Variants in FYN observed in about 807,000 individuals in gnomAD.
FYN encodes the protein FYN proto-oncogene, Src family tyrosine kinase, also known as tyrosine-protein kinase Fyn.
A neutral mutation model predicts 70.2 loss-of-function variants in FYN; 10 were observed. The ratio of observed to expected loss-of-function variants is 0.14; its 90% CI spans 0.09 to 0.24. The LOEUF (loss-of-function observed/expected upper bound fraction) is 0.24. Among genes scored for constraint, FYN ranks in the 10% least tolerant of loss-of-function variants. The pLI is 1.00. For missense variants in FYN, 319 were observed against 673.1 expected, an observed-to-expected ratio of 0.47 and a Z score of 5.82; for synonymous variants, 236 against 248.6, an observed-to-expected ratio of 0.95 and a Z score of 0.48.
intron 2 of FYN, among the ~76,000 whole-genome samples, chr6:111,789,785 CCA>C (rs1336393061): frequency 1.3e-5 from 2 of 152,232 alleles, no homozygotes; most frequent in South Asian, 2.1e-4. Flanking sequence ...GATCTGCAAT[CCA>C]CAGTCTGAAC....
intron 2 of FYN, among the ~76,000 whole-genome samples, chr6:111,790,004 A>G (rs1006229404): frequency 1.3e-5 from 2 of 152,110 alleles, no homozygotes; most frequent in South Asian, 2.1e-4. Context: ...GTTGGCTACA[A>G]TATCAGAATC....
At chr6:111,699,913 CTTTTTTTTTTTTTTTTT>C (rs71021861) in intron 9 of FYN, 174 bp downstream of exon 9, 2 of 186,568 alleles carry the variant, frequency 1.1e-5, no homozygotes, top group Non-Finnish European at 2.0e-5. Context: ...CACTTACTAT[CTTTTTTTTTTTTTTTTT>C]TTTTTTTTAG....
chr6:111,769,757 G>C (rs1471233813), intron 3 of FYN, among the ~76,000 whole-genome samples: 1 of 152,112 alleles, frequency 6.6e-6, no homozygotes, highest in Non-Finnish European at 1.5e-5. Flanking sequence ...CCCTGGCTTT[G>C]AAAAATGCCA....
rs1774337445 is a variant in FYN at position 111,873,083 on chromosome 6, C to A, written c.-238G>T. 1 of 147,774 alleles carries A rather than the reference C, an allele frequency of 6.8e-6. No individual in the cohort carries two copies. Among genetic ancestry groups the A allele is most frequent in the Admixed American group, 6.7e-5 (1 of 14,952 alleles). The allele number at this position is 147,774 out of a possible 1,614,324, so 9.2% of individuals were successfully genotyped here. A position where few individuals can be genotyped will look rare whatever the true frequency, so the allele number is the denominator to read the frequency against. ...CGGGCCCGGGAGCCGGTGGGCCTTCCGAGAGCACCGAGGGGGCGGCGCCGG... is the reference window on the plus strand; with the variant it reads ...CGGGCCCGGGAGCCGGTGGGCCTTCAGAGAGCACCGAGGGGGCGGCGCCGG... On this transcript the variant is annotated 5_prime_UTR_variant, in exon 1 of 14. Coordinates refer to ENST00000354650, the MANE Select transcript of FYN (RefSeq NM_002037.5).
intron 5 of FYN, among the ~76,000 whole-genome samples, chr6:111,713,352 G>A (rs1395722558): frequency 2.0e-5 from 3 of 152,138 alleles, no homozygotes; most frequent in African/African-American, 7.2e-5. Context: ...GAAAGCTGAG[G>A]AGCCTGGCTC....
rs1021347045 is a variant in FYN at position 111,674,344 on chromosome 6, C to T, written c.1405+155G>A. On this transcript the variant is annotated intron_variant, in intron 13 of 13. Coordinates refer to ENST00000354650, the MANE Select transcript of FYN (RefSeq NM_002037.5). ...ACATACATGGTGGCTCCCAGTTCTG[C>T]TTTTCTCTCGCTGAATACCTGGCCA... 2.1e-4 allele frequency: 164 copies of T among 795,374 alleles called. 1 individual carries two copies. Among genetic ancestry groups the T allele is most frequent in the East Asian group, 1.8e-3 (66 of 37,478 alleles). The allele number at this position is 795,374 out of a possible 1,614,324, so 49.3% of individuals were successfully genotyped here. A position where few individuals can be genotyped will look rare whatever the true frequency, so the allele number is the denominator to read the frequency against.
intron 3 of FYN, among the ~76,000 whole-genome samples, chr6:111,734,097 AAAACAAACAAAC>A (rs531204142): frequency 2.6e-5 from 4 of 152,140 alleles, no homozygotes; most frequent in African/African-American, 9.7e-5. Flanking sequence ...AAACAAACAA[AAAACAAACAAAC>A]AAACAAACAA....
Position 111,694,018 on chromosome 6 carries a change from T to TA in FYN, c.1273+356dup, listed in dbSNP as rs1360981095. On this transcript the variant is annotated intron_variant, in intron 12 of 13. Coordinates refer to ENST00000354650, the MANE Select transcript of FYN (RefSeq NM_002037.5). This position sits in a 1 kb window ranked among gnomAD's most constrained non-coding sequence, Gnocchi z 5.0. ...TTCTGAAACCCTGCCTGTGCCTTTG[T>TA]AAAAAACACAGGCATGTGAGAATGT... Among the ~76,000 whole-genome samples the TA allele has an allele frequency of 6.6e-6, 1 of 152,138 alleles. No homozygotes were observed. The highest frequency in any genetic ancestry group is 1.5e-5 in the Non-Finnish European group (1 of 68,024).
chr6:111,699,409 A>G, intron 9 of FYN: 2 of 1,198,248 alleles, frequency 1.7e-6, no homozygotes, highest in South Asian at 1.5e-5. Flanking sequence ...CTAGTTATCC[A>G]GGTTAAGTGT....
In FYN at chr6:111,726,598, T is replaced by C. The variant is rs781235342; in HGVS notation, c.-11-6536A>G. Among the ~76,000 whole-genome samples the C allele has an allele frequency of 1.4e-4, 22 of 152,298 alleles. No homozygotes were observed. The South Asian group carries it at 1.5e-3, about 10-fold the overall frequency. ...CTATACTAGAGCTATTTCCTGACCA[T>C]GGAATCCTGGCCAGTCCATGCAAGG... On this transcript the variant is annotated intron_variant, in intron 3 of 13. Transcript: ENST00000354650.
intron 9 of FYN, 195 bp downstream of exon 9, chr6:111,699,909 C>CTA: frequency 2.1e-6 from 1 of 477,462 alleles, no homozygotes; most frequent in South Asian, 3.1e-5. Flanking sequence ...TGCCCACTTA[C>CTA]TATCTTTTTT....
intron 3 of FYN, among the ~76,000 whole-genome samples, chr6:111,774,447 T>C (rs1803625414): frequency 6.6e-6 from 1 of 152,156 alleles, no homozygotes; most frequent in Admixed American, 6.5e-5. Flanking sequence ...GGGACAGCTC[T>C]TCACTGGGCA....
intron 2 of FYN, among the ~76,000 whole-genome samples, chr6:111,829,487 C>T (rs1357809344): frequency 3.9e-5 from 6 of 152,144 alleles, no homozygotes; most frequent in Admixed American, 2.0e-4. Flanking sequence ...AGGAAGAGAG[C>T]CCAGGTCTCT....
At chr6:111,765,741 G>A (rs1803205049) in intron 3 of FYN, among the ~76,000 whole-genome samples, 1 of 150,448 alleles carries the variant, frequency 6.6e-6, no homozygotes, top group Admixed American at 6.6e-5. Context: ...CTTAAGATGA[G>A]CCTTGCTGGA....
chr6:111,824,607 T>A (rs1279073425), intron 2 of FYN, among the ~76,000 whole-genome samples: 1 of 152,218 alleles, frequency 6.6e-6, no homozygotes, highest in East Asian at 1.9e-4. Flanking sequence ...CTCTAACTTA[T>A]CTTTCTGTGC....
chr6:111,774,786 T>C (rs1803641888), intron 3 of FYN, among the ~76,000 whole-genome samples: 1 of 152,080 alleles, frequency 6.6e-6, no homozygotes, highest in Non-Finnish European at 1.5e-5. Context: ...TGACGTGATC[T>C]CGCCTCACTG....
intron 3 of FYN, among the ~76,000 whole-genome samples, chr6:111,745,570 T>C (rs1190910599): frequency 6.6e-6 from 1 of 152,128 alleles, no homozygotes; most frequent in African/African-American, 2.4e-5. Context: ...AATGAGCGAA[T>C]GCAGGTAACT....
intron 12 of FYN, among the ~76,000 whole-genome samples, chr6:111,689,046 T>C (rs1583309692): frequency 6.6e-6 from 1 of 152,214 alleles, no homozygotes; most frequent in Non-Finnish European, 1.5e-5. Flanking sequence ...GGAAAATGTA[T>C]GTCAAATACA....
chr6:111,749,914 G>A (rs1173871894), intron 3 of FYN, among the ~76,000 whole-genome samples: 1 of 151,824 alleles, frequency 6.6e-6, no homozygotes, highest in African/African-American at 2.4e-5. Flanking sequence ...AGACCTCTAG[G>A]AAGACTGCAT....
Sources: gnomAD v4.1 joint callset for allele counts (sites outside exome capture counted in the v4.1 genomes callset) on GRCh38, gnomAD v4.1.1 for gene constraint, Gnocchi (gnomAD v3.1) non-coding constraint, MANE v1.5 for transcripts, NCBI Gene and HGNC (gene_info 2026-07-23, HGNC 2026-07-21) for gene names.